The following CSMD1 variants were observed in gnomAD, a reference collection of about 807,000 sequenced individuals.
CSMD1 encodes CUB and Sushi multiple domains 1.
In CSMD1, 213 loss-of-function variants were observed where a neutral mutation model predicts 417.5. The observed-to-expected ratio is 0.51, with a 90% CI of 0.46 to 0.57. The LOEUF is 0.57. Among genes scored for constraint, CSMD1 ranks in the 20% least tolerant of loss-of-function variants. The pLI is 0.00. For synonymous variants in CSMD1, 2,862 were observed against 1,736.8 expected, an observed-to-expected ratio of 1.65 and a Z score of -16.11; for missense variants, 6,923 against 4,529.7, an observed-to-expected ratio of 1.53 and a Z score of -15.17.
rs35178951 is a variant in CSMD1, at chr8:3,892,715, GTTTT to G, written c.818+105184_818+105187del. ...CACTTATTTGAGTACATTTAGGCAG[GTTTT>G]TTTTTTTTTTTTTTTTGCCACTTCT... On this transcript the variant is annotated intron_variant, in intron 5 of 69. Coordinates refer to ENST00000635120, the MANE Select transcript of CSMD1 (RefSeq NM_033225.6). 1.8e-3 allele frequency among the ~76,000 whole-genome samples: 192 copies of G among 107,044 alleles called. 2 individuals are homozygous for G. The highest frequency in any genetic ancestry group is 5.8e-3 in the African/African-American group (174 of 29,992). The allele number at this position is 107,044 out of a possible 152,430, so 70.2% of individuals were successfully genotyped here.
At chr8:3,948,948 G>A (rs1811423583) in intron 5 of CSMD1, among the ~76,000 whole-genome samples, 1 of 151,820 alleles carries the variant, frequency 6.6e-6, no homozygotes, top group Non-Finnish European at 1.5e-5. Context: ...AACTGAGGAT[G>A]GGCTACTGGA....
chr8:4,895,531 G>C (rs1260948145), intron 1 of CSMD1, among the ~76,000 whole-genome samples: 1 of 151,848 alleles, frequency 6.6e-6, no homozygotes, highest in Non-Finnish European at 1.5e-5. Flanking sequence ...AATTTTAAAA[G>C]TCAAGGAGTG....
At chr8:3,815,261 G>T (rs1426504111) in intron 5 of CSMD1, among the ~76,000 whole-genome samples, 1 of 152,102 alleles carries the variant, frequency 6.6e-6, no homozygotes, top group Admixed American at 6.6e-5. Context: ...AAGTGTCTGA[G>T]GATGTGTCAT....
intron 16 of CSMD1, among the ~76,000 whole-genome samples, chr8:3,399,051 T>C (rs77361698): frequency 1.0e-3 from 155 of 152,238 alleles, no homozygotes; most frequent in Non-Finnish European, 1.8e-3. Context: ...TAAGGGACCA[T>C]GGGACCCAGA....
At position 3,848,751 on chromosome 8, in the gene CSMD1, G is replaced by C. The variant is rs569971851; in HGVS notation, c.819-94709C>G. On this transcript the variant is annotated intron_variant, in intron 5 of 69. Coordinates refer to ENST00000635120, the MANE Select transcript of CSMD1 (RefSeq NM_033225.6). ...TCTTTTAGGTGGTCCTGAACTACATGTGTCTAATTATAATTGTCAAATATT... is the reference window on the plus strand; with the variant it reads ...TCTTTTAGGTGGTCCTGAACTACATCTGTCTAATTATAATTGTCAAATATT... Among the ~76,000 whole-genome samples the C allele has an allele frequency of 4.4e-4, 67 of 152,124 alleles. 1 individual carries two copies. In the South Asian group the frequency reaches 0.012, roughly 26 times the overall value.
chr8:3,716,760 C>G (rs532350247), intron 6 of CSMD1, among the ~76,000 whole-genome samples: 6 of 152,240 alleles, frequency 3.9e-5, no homozygotes, highest in Non-Finnish European at 4.4e-5. Flanking sequence ...GGTTCAAACG[C>G]CTCTTGACAA....
chr8:4,389,294 G>T (rs138313503), intron 3 of CSMD1, among the ~76,000 whole-genome samples: 1 of 152,112 alleles, frequency 6.6e-6, no homozygotes, highest in Non-Finnish European at 1.5e-5. Context: ...ATTAGAAAAT[G>T]CGATCATATA....
chr8:4,834,387 G>A (rs1181295530), intron 1 of CSMD1, among the ~76,000 whole-genome samples: 1 of 152,098 alleles, frequency 6.6e-6, no homozygotes, highest in Non-Finnish European at 1.5e-5. Flanking sequence ...AGAGATATAA[G>A]CAATATAGCT....
At chr8:3,185,246 G>C (rs920313126) in intron 36 of CSMD1, among the ~76,000 whole-genome samples, 9 of 152,198 alleles carry the variant, frequency 5.9e-5, no homozygotes, top group Non-Finnish European at 1.3e-4. Flanking sequence ...CATTGCAGTG[G>C]TATTTATGTC....
intron 68 of CSMD1, among the ~76,000 whole-genome samples, chr8:2,945,265 A>G (rs1185698363): frequency 6.6e-6 from 1 of 152,196 alleles, no homozygotes; most frequent in African/African-American, 2.4e-5. Context: ...TCTTATTTTT[A>G]TAATTGGTAA....
At chr8:4,365,371 C>G (rs1168285917) in intron 3 of CSMD1, among the ~76,000 whole-genome samples, 2 of 152,120 alleles carry the variant, frequency 1.3e-5, no homozygotes, top group Non-Finnish European at 2.9e-5. Flanking sequence ...CATTTTTTCA[C>G]ATTTCTGTAT....
intron 41 of CSMD1, among the ~76,000 whole-genome samples, chr8:3,138,014 C>T (rs189088801): frequency 3.9e-4 from 59 of 152,312 alleles, no homozygotes; most frequent in African/African-American, 1.4e-3. Flanking sequence ...GACCTGAGGT[C>T]AGGAGTTCGA....
intron 2 of CSMD1, among the ~76,000 whole-genome samples, chr8:4,460,147 A>T (rs1156434376): frequency 6.6e-6 from 1 of 152,246 alleles, no homozygotes; most frequent in Non-Finnish European, 1.5e-5. Flanking sequence ...AAAATGAGTG[A>T]AATTATATAA....
At chr8:3,874,686 G>C (rs114049421) in intron 5 of CSMD1, among the ~76,000 whole-genome samples, 1 of 152,076 alleles carries the variant, frequency 6.6e-6, no homozygotes, top group Non-Finnish European at 1.5e-5. Context: ...TGAAAACTCT[G>C]CAAGTCCCTC....
intron 5 of CSMD1, among the ~76,000 whole-genome samples, chr8:3,835,540 A>G (rs73506748): frequency 0.39 from 58,573 of 151,624 alleles, 12,400 homozygotes; most frequent in African/African-American, 0.57. Flanking sequence ...GACACAGGAA[A>G]GGGAACATCG....
chr8:3,713,081 G>A (rs894758412), intron 6 of CSMD1, among the ~76,000 whole-genome samples: 13 of 152,006 alleles, frequency 8.6e-5, no homozygotes, highest in Non-Finnish European at 1.6e-4. Context: ...TAAATATGAC[G>A]AATCTCTTTT....
intron 1 of CSMD1, among the ~76,000 whole-genome samples, chr8:4,812,841 C>A (rs1798986833): frequency 6.6e-6 from 1 of 152,114 alleles, no homozygotes; most frequent in Non-Finnish European, 1.5e-5. Context: ...CATAGGGAAT[C>A]TATTGTTATT....
chr8:4,721,280 G>C (rs879522852), intron 1 of CSMD1, among the ~76,000 whole-genome samples: 2 of 152,064 alleles, frequency 1.3e-5, no homozygotes, highest in East Asian at 1.9e-4. Flanking sequence ...TTAACATATA[G>C]AAAGAAGAAA....
At chr8:2,951,633 A>G (rs1474432725) in intron 65 of CSMD1, among the ~76,000 whole-genome samples, 1 of 152,132 alleles carries the variant, frequency 6.6e-6, no homozygotes. Flanking sequence ...TGTTTACCTG[A>G]CCCATGAAAT....
Sources: gnomAD v4.1 joint callset for allele counts (sites outside exome capture counted in the v4.1 genomes callset) on GRCh38, gnomAD v4.1.1 for gene constraint, MANE v1.5 for transcripts, NCBI Gene and HGNC (gene_info 2026-07-23, HGNC 2026-07-21) for gene names.